GALNT18: variants seen among roughly 807,000 people sequenced by gnomAD.
GALNT18 encodes GalNAc-transferase 18.
A neutral mutation model predicts 69.5 loss-of-function variants in GALNT18; 44 were observed. That is an observed-to-expected ratio of 0.63 (90% CI 0.50 to 0.81). The LOEUF (loss-of-function observed/expected upper bound fraction) is 0.81. Ranked by LOEUF, GALNT18 falls within the 40% of genes least tolerant of loss-of-function variation. The pLI is 0.00. For synonymous variants in GALNT18, 364 were observed against 318.2 expected (o/e 1.14, Z -1.53); for missense variants, 715 against 810.0 (o/e 0.88, Z 1.42).
intron 1 of GALNT18, among the ~76,000 whole-genome samples, chr11:11,504,556 A>T (rs1348362740): frequency 6.6e-6 from 1 of 152,108 alleles, no homozygotes; most frequent in African/African-American, 2.4e-5. Flanking sequence ...CAGGAGTTCC[A>T]GACCAGCCAG....
rs74379061 is a variant in GALNT18, at chr11:11,383,527, G to C, written c.596-4263C>G. ...CCTATAGGCTTGCTGTGGAGAACCG[G>C]GCAGAGTCCTCACCTCTCCCTCAAG... On this transcript the variant is annotated intron_variant, in intron 3 of 10. Coordinates refer to ENST00000227756, the MANE Select transcript of GALNT18 (RefSeq NM_198516.3). This position sits in a 1 kb window ranked among gnomAD's most constrained non-coding sequence, Gnocchi z 5.2. Among the ~76,000 whole-genome samples, 4,441 of 152,238 alleles carry C rather than the reference G, an allele frequency of 0.029. 161 individuals are homozygous for C. The highest frequency in any genetic ancestry group is 0.18 in the East Asian group (951 of 5,170).
chr11:11,284,586 A>G (rs1038690918), intron 10 of GALNT18, among the ~76,000 whole-genome samples: 1 of 152,186 alleles, frequency 6.6e-6, no homozygotes, highest in Non-Finnish European at 1.5e-5. Flanking sequence ...TTTTGCAATC[A>G]AGGAGTTCAC....
In GALNT18 at chr11:11,592,510, C is replaced by T. The variant is rs1365823033; in HGVS notation, c.235+28849G>A. The stretch of plus-strand genomic sequence containing the variant: ...TTCCTACCATGGCTCCCTGGCAGAA[C>T]CATGCTCCCTCACCTTACCCCCACA... On this transcript the variant is annotated intron_variant, in intron 1 of 10. Transcript: ENST00000227756. The surrounding 1 kb of genome is among the most constrained non-coding windows in gnomAD (Gnocchi z 5.9). 6.6e-6 allele frequency among the ~76,000 whole-genome samples: 1 copy of T among 152,154 alleles called. No individual in the cohort carries two copies. Among genetic ancestry groups the T allele is most frequent in the Non-Finnish European group, 1.5e-5 (1 of 68,034 alleles).
chr11:11,460,467 A>C (rs1359366437), intron 1 of GALNT18, among the ~76,000 whole-genome samples: 1 of 152,210 alleles, frequency 6.6e-6, no homozygotes, highest in Non-Finnish European at 1.5e-5. Flanking sequence ...CAATCTGGGC[A>C]GGGCTGTCAT....
intron 1 of GALNT18, among the ~76,000 whole-genome samples, chr11:11,570,478 T>C (rs2133996247): frequency 6.6e-6 from 1 of 152,328 alleles, no homozygotes; most frequent in Admixed American, 6.5e-5. Flanking sequence ...CTGGCCTCCC[T>C]AGGTTTCTTG....
At chr11:11,327,436 C>G (rs1023714254) in intron 8 of GALNT18, among the ~76,000 whole-genome samples, 4 of 152,246 alleles carry the variant, frequency 2.6e-5, no homozygotes, top group African/African-American at 9.6e-5. Flanking sequence ...GATGTGCATG[C>G]GTGTGCACAC....
chr11:11,316,507 TA>T (rs1849757979), intron 9 of GALNT18, among the ~76,000 whole-genome samples: 1 of 152,182 alleles, frequency 6.6e-6, no homozygotes, highest in Non-Finnish European at 1.5e-5. Flanking sequence ...ATCTCCAGGT[TA>T]AAATAGAGTA....
chr11:11,295,931 A>T (rs984382442), intron 9 of GALNT18, among the ~76,000 whole-genome samples: 3 of 152,144 alleles, frequency 2.0e-5, no homozygotes, highest in Non-Finnish European at 4.4e-5. Context: ...TGGTTTGCTC[A>T]TCAGAATCCT....
At position 11,338,402 on chromosome 11, in the gene GALNT18, GA is replaced by G. The variant is rs571775449; in HGVS notation, c.1278+2416del. On this transcript the variant is annotated intron_variant, in intron 7 of 10. Coordinates refer to ENST00000227756, the MANE Select transcript of GALNT18 (RefSeq NM_198516.3). The surrounding 1 kb of genome is among the most constrained non-coding windows in gnomAD (Gnocchi z 5.3). ...AAAACCAGCTGAAGCTTGTGGCAGA[GA>G]AAAAAACAGGGCCTGAATGCAGACA... Among the ~76,000 whole-genome samples, 1 of 151,988 alleles carries G rather than the reference GA, an allele frequency of 6.6e-6. No homozygotes were observed. The highest frequency in any genetic ancestry group is 2.1e-4 in the South Asian group (1 of 4,808).
At chr11:11,510,313 TA>T (rs1220659125) in intron 1 of GALNT18, among the ~76,000 whole-genome samples, 2 of 152,222 alleles carry the variant, frequency 1.3e-5, no homozygotes, top group Non-Finnish European at 2.9e-5. Context: ...GCTGTCTCAG[TA>T]TACTCTCCCA....
rs1590120245 is a variant in GALNT18 at position 11,586,502 on chromosome 11, T to A, written c.235+34857A>T. 6.6e-6 allele frequency among the ~76,000 whole-genome samples: 1 copy of A among 152,152 alleles called. No individual in the cohort carries two copies. Among genetic ancestry groups the A allele is most frequent in the South Asian group, 2.1e-4 (1 of 4,832 alleles). On this transcript the variant is annotated intron_variant, in intron 1 of 10. Coordinates refer to ENST00000227756, the MANE Select transcript of GALNT18 (RefSeq NM_198516.3). This position sits in a 1 kb window ranked among gnomAD's most constrained non-coding sequence, Gnocchi z 4.1. ...CTACCTGTTCAGGGCCCAGCATCCATAACTAGCCCCAGTTTCAGCCTCTGT... is the reference window on the plus strand; with the variant it reads ...CTACCTGTTCAGGGCCCAGCATCCAAAACTAGCCCCAGTTTCAGCCTCTGT...
At chr11:11,275,342 T>TC (rs1460014696) in intron 10 of GALNT18, among the ~76,000 whole-genome samples, 41 of 152,206 alleles carry the variant, frequency 2.7e-4, no homozygotes, top group African/African-American at 9.4e-4. Flanking sequence ...ATAAATGTCT[T>TC]TTGAGAAGTG....
At position 11,421,964 on chromosome 11, in the gene GALNT18, G is replaced by A. The variant is rs886355445; in HGVS notation, c.595+10657C>T. 6.6e-6 allele frequency among the ~76,000 whole-genome samples: 1 copy of A among 152,180 alleles called. No homozygotes were observed. Among genetic ancestry groups the A allele is most frequent in the Non-Finnish European group, 1.5e-5 (1 of 68,026 alleles). On this transcript the variant is annotated intron_variant, in intron 3 of 10. Transcript: ENST00000227756. The surrounding 1 kb of genome is among the most constrained non-coding windows in gnomAD (Gnocchi z 5.6). ...GTGCCCTGGCATAGAATCATGCATG[G>A]CAGCTGAGAGGTAGGTTCAGAAATG...
At chr11:11,529,175 T>A (rs1378242914) in intron 1 of GALNT18, among the ~76,000 whole-genome samples, 4 of 152,216 alleles carry the variant, frequency 2.6e-5, no homozygotes, top group Admixed American at 1.3e-4. Context: ...CAGATGTGAT[T>A]TCATGTGTCA....
intron 10 of GALNT18, among the ~76,000 whole-genome samples, chr11:11,288,741 G>C (rs1270133718): frequency 2.6e-5 from 4 of 152,196 alleles, no homozygotes; most frequent in Non-Finnish European, 4.4e-5. Context: ...GGTTCAGCCT[G>C]AAGTATTGGA....
chr11:11,598,953 C>T lies in GALNT18; in HGVS notation c.235+22406G>A, dbSNP rs191005572. 3.6e-4 allele frequency among the ~76,000 whole-genome samples: 55 copies of T among 151,958 alleles called. No individual in the cohort carries two copies. The highest frequency in any genetic ancestry group is 3.4e-3 in the Middle Eastern group (1 of 294). ...ACGTGGCCAGAGAATGTACTTTGTTCATTTTAAAGGATGAGTTCAATCCTT... is the reference window on the plus strand; with the variant it reads ...ACGTGGCCAGAGAATGTACTTTGTTTATTTTAAAGGATGAGTTCAATCCTT... On this transcript the variant is annotated intron_variant, in intron 1 of 10. Transcript: ENST00000227756. The surrounding 1 kb of genome is among the most constrained non-coding windows in gnomAD (Gnocchi z 4.8).
rs997330337 is a variant in GALNT18, at chr11:11,372,993, C to G, written c.978-364G>C. On this transcript the variant is annotated intron_variant, in intron 5 of 10. Coordinates refer to ENST00000227756, the MANE Select transcript of GALNT18 (RefSeq NM_198516.3). The surrounding 1 kb of genome is among the most constrained non-coding windows in gnomAD (Gnocchi z 4.9). ...CTCTGTTCCTGCTTGGGAATGCATA[C>G]CAGCTTTCTTACCCTTCCCCAACTT... 6.6e-6 allele frequency among the ~76,000 whole-genome samples: 1 copy of G among 152,130 alleles called. No individual in the cohort carries two copies. The highest frequency in any genetic ancestry group is 2.4e-5 in the African/African-American group (1 of 41,424).
At chr11:11,530,356 C>A (rs1483651703) in intron 1 of GALNT18, among the ~76,000 whole-genome samples, 1 of 152,192 alleles carries the variant, frequency 6.6e-6, no homozygotes, top group Admixed American at 6.5e-5. Context: ...GGCCCTGTCT[C>A]TGCCCCCAGG....
Position 11,621,653 on chromosome 11 carries a change from C to T in GALNT18, c.-60G>A. On this transcript the variant is annotated 5_prime_UTR_variant, in exon 1 of 11. Transcript: ENST00000227756. The surrounding 1 kb of genome is among the most constrained non-coding windows in gnomAD (Gnocchi z 9.3). ...GCCCTTCCTTGTCGTGCGCCCCGAA[C>T]TCCCCCGCGCTCGCACCCCGTAGCA... is the stretch of plus-strand genomic sequence containing the variant. 7.7e-7 allele frequency: 1 copy of T among 1,293,744 alleles called. No homozygotes were observed. Among genetic ancestry groups the T allele is most frequent in the Non-Finnish European group, 1.1e-6 (1 of 923,630 alleles). The allele number at this position is 1,293,744 out of a possible 1,614,324, so 80.1% of individuals were successfully genotyped here.
Sources: allele counts gnomAD v4.1 joint callset (sites outside exome capture counted in the v4.1 genomes callset), GRCh38; gene constraint gnomAD v4.1.1; non-coding constraint Gnocchi (gnomAD v3.1); transcripts MANE v1.5; gene names NCBI Gene and HGNC (gene_info 2026-07-23, HGNC 2026-07-21).